Variants in SATB1 observed in about 807,000 individuals in gnomAD.
SATB1 encodes DNA-binding protein SATB1.
Under a neutral mutation model 86.9 loss-of-function variants are expected in SATB1, and 11 were observed. The ratio of observed to expected loss-of-function variants is 0.13; its 90% CI spans 0.08 to 0.21. The LOEUF is 0.21. Among genes scored for constraint, SATB1 ranks in the 10% least tolerant of loss-of-function variants. The pLI, the probability that SATB1 is intolerant of heterozygous loss-of-function variation, is 1.00. For missense variants in SATB1, 551 were observed against 937.6 expected, an observed-to-expected ratio of 0.59 and a Z score of 5.39; for synonymous variants, 357 against 357.2, an observed-to-expected ratio of 1.00 and a Z score of 0.01.
At chr3:18,436,116 G>A (rs749224005) in intron 2 of SATB1, among the ~76,000 whole-genome samples, 4 of 152,162 alleles carry the variant, frequency 2.6e-5, no homozygotes, top group Non-Finnish European at 4.4e-5. Flanking sequence ...TTAGTTTTAA[G>A]GAATGGAGTA....
intron 5 of SATB1, among the ~76,000 whole-genome samples, chr3:18,412,008 T>A (rs754308671): frequency 2.0e-5 from 3 of 152,030 alleles, no homozygotes; most frequent in Non-Finnish European, 2.9e-5. Context: ...AGTCTCGTTC[T>A]GTCACCAAAC....
At chr3:18,419,126 G>C (rs1698258790) in intron 2 of SATB1, among the ~76,000 whole-genome samples, 1 of 152,144 alleles carries the variant, frequency 6.6e-6, no homozygotes, top group Non-Finnish European at 1.5e-5. Flanking sequence ...TATTGATCAT[G>C]TTTAGAGGTA....
chr3:18,357,419 A>T (rs1397762099), intron 9 of SATB1, among the ~76,000 whole-genome samples: 1 of 151,876 alleles, frequency 6.6e-6, no homozygotes, highest in Admixed American at 6.6e-5. Context: ...ACAACAACTA[A>T]CTATAAAGCT....
At chr3:18,416,397 C>G (rs1698115873) in intron 3 of SATB1, among the ~76,000 whole-genome samples, 1 of 152,080 alleles carries the variant, frequency 6.6e-6, no homozygotes, top group African/African-American at 2.4e-5. Flanking sequence ...CATAAGGCCA[C>G]ATTTTCCTAA....
intron 3 of SATB1, 97 bp from the exon 4 acceptor site, chr3:18,416,230 A>C: frequency 2.3e-6 from 2 of 865,588 alleles, no homozygotes; most frequent in Non-Finnish European, 3.4e-6. Context: ...CCCCTACCAC[A>C]AGCAGTACCG....
chr3:18,371,024 A>T (rs1297875116), intron 9 of SATB1, among the ~76,000 whole-genome samples: 1 of 152,232 alleles, frequency 6.6e-6, no homozygotes, highest in Non-Finnish European at 1.5e-5. Flanking sequence ...AATAAGGATC[A>T]GACACCTTAT....
intron 2 of SATB1, among the ~76,000 whole-genome samples, chr3:18,418,589 G>C (rs993780540): frequency 1.3e-5 from 2 of 152,092 alleles, no homozygotes; most frequent in Non-Finnish European, 2.9e-5. Flanking sequence ...AGACAACTTG[G>C]GGAGACCACA....
chr3:18,399,479 ATGG>A (rs1323487878), intron 5 of SATB1, among the ~76,000 whole-genome samples: 1 of 152,214 alleles, frequency 6.6e-6, no homozygotes, highest in East Asian at 1.9e-4. Flanking sequence ...AGAATCATCC[ATGG>A]TGTGTGTGAA....
chr3:18,361,325 G>A (rs1258462564), intron 9 of SATB1, among the ~76,000 whole-genome samples: 2 of 152,020 alleles, frequency 1.3e-5, no homozygotes, highest in Non-Finnish European at 2.9e-5. Flanking sequence ...AGTTCACAGG[G>A]TTGTGAGAAT....
In SATB1 at chr3:18,349,845, T is replaced by G; in HGVS notation, c.1780-163A>C. 7.7e-7 allele frequency: 1 copy of G among 1,292,960 alleles called. No individual in the cohort carries two copies. Among genetic ancestry groups the G allele is most frequent in the Non-Finnish European group, 1.0e-6 (1 of 974,950 alleles). The allele number at this position is 1,292,960 out of a possible 1,614,324, so 80.1% of individuals were successfully genotyped here. A position where few individuals can be genotyped will look rare whatever the true frequency, so the allele number is the denominator to read the frequency against. ...AGGCCGGCGAAATGGCCGACAGCAT[T>G]TACAAAAAAATCAAAATGATATGAC... On this transcript the variant is annotated intron_variant, in intron 10 of 10. Coordinates refer to ENST00000338745, the MANE Select transcript of SATB1 (RefSeq NM_002971.6). This position sits in a 1 kb window ranked among gnomAD's most constrained non-coding sequence, Gnocchi z 5.5.
intron 7 of SATB1, among the ~76,000 whole-genome samples, chr3:18,392,671 C>T (rs948058607): frequency 6.6e-6 from 1 of 151,556 alleles, no homozygotes; most frequent in Non-Finnish European, 1.5e-5. Flanking sequence ...TTCAAAAAAG[C>T]ATTATTGAAA....
intron 5 of SATB1, among the ~76,000 whole-genome samples, chr3:18,407,792 C>G (rs571359074): frequency 6.6e-6 from 1 of 151,966 alleles, no homozygotes; most frequent in Non-Finnish European, 1.5e-5. Flanking sequence ...TCTAAAGAAA[C>G]AGTCCCATTA....
chr3:18,415,815 G>A (rs533536444), intron 4 of SATB1, among the ~76,000 whole-genome samples, 192 bp downstream of exon 4: 1 of 151,852 alleles, frequency 6.6e-6, no homozygotes, highest in Non-Finnish European at 1.5e-5. Flanking sequence ...GTGTGTGGGG[G>A]GGGGGATTGC....
chr3:18,415,476 T>C (rs962962410), intron 4 of SATB1, among the ~76,000 whole-genome samples: 5 of 152,142 alleles, frequency 3.3e-5, no homozygotes, highest in Non-Finnish European at 5.9e-5. Flanking sequence ...ACCTTCCTGC[T>C]CTGATGCGCT....
rs1313935571 is a variant in SATB1 at position 18,395,851 on chromosome 3, G to A, written c.752-935C>T. ...TCTCTAAGTATGTAAATGCTTTTCT[G>A]TACGAAGAGGAGACTGGTTCGATGC... On this transcript the variant is annotated intron_variant, in intron 6 of 10. Coordinates refer to ENST00000338745, the MANE Select transcript of SATB1 (RefSeq NM_002971.6). 2.0e-5 allele frequency among the ~76,000 whole-genome samples: 3 copies of A among 152,172 alleles called. No homozygotes were observed. The East Asian group carries it at 5.8e-4, about 29-fold the overall frequency.
In SATB1 at chr3:18,347,426, T is replaced by C. The variant is rs1173983228; in HGVS notation, c.*1744A>G. 1.3e-5 allele frequency: 2 copies of C among 152,130 alleles called. No individual in the cohort carries two copies. The highest frequency in any genetic ancestry group is 3.9e-4 in the East Asian group (2 of 5,188). 9.4% of individuals were successfully genotyped at this position (152,130 alleles called of 1,614,324 possible). On this transcript the variant is annotated 3_prime_UTR_variant, in exon 11 of 11. Transcript: ENST00000338745. Reference sequence around the variant, plus strand: ...GTGTGTTATTCCTATTTTCTTCATGTAGCTCTTATAGTTATGAGATACACT... The same window carrying C: ...GTGTGTTATTCCTATTTTCTTCATGCAGCTCTTATAGTTATGAGATACACT...
intron 2 of SATB1, among the ~76,000 whole-genome samples, chr3:18,430,637 T>C (rs896928973): frequency 3.3e-5 from 5 of 152,214 alleles, no homozygotes; most frequent in Non-Finnish European, 5.9e-5. Context: ...AATGATGCAC[T>C]GCAGAGAATA....
intron 9 of SATB1, among the ~76,000 whole-genome samples, chr3:18,374,947 G>A (rs1255104477): frequency 6.6e-6 from 1 of 152,126 alleles, no homozygotes; most frequent in African/African-American, 2.4e-5. Flanking sequence ...GGGCTCAAAA[G>A]TTAAAATTTT....
intron 6 of SATB1, 88 bp downstream of exon 6, chr3:18,397,091 A>G: frequency 2.5e-6 from 2 of 785,856 alleles, no homozygotes; most frequent in Non-Finnish European, 4.5e-6. Flanking sequence ...TGGGCAATCA[A>G]AAGACCTGGC....
Sources: gnomAD v4.1 joint callset for allele counts (sites outside exome capture counted in the v4.1 genomes callset) on GRCh38, gnomAD v4.1.1 for gene constraint, Gnocchi (gnomAD v3.1) non-coding constraint, MANE v1.5 for transcripts, NCBI Gene and HGNC (gene_info 2026-07-23, HGNC 2026-07-21) for gene names.